Variants in BMPR1A observed in about 807,000 individuals in gnomAD.
The protein encoded by BMPR1A is bone morphogenetic protein receptor type-1A.
In BMPR1A, 7 loss-of-function variants were observed where a neutral mutation model predicts 66.0. The ratio of observed to expected loss-of-function variants is 0.11; its 90% CI spans 0.06 to 0.20. The LOEUF (loss-of-function observed/expected upper bound fraction) is 0.20. Among genes scored for constraint, BMPR1A ranks in the 10% least tolerant of loss-of-function variants. The pLI is 1.00. For synonymous variants in BMPR1A, 200 were observed against 229.7 expected, an observed-to-expected ratio of 0.87 and a Z score of 1.17; for missense variants, 408 against 669.1, an observed-to-expected ratio of 0.61 and a Z score of 4.31.
chr10:86,890,501 C>G (rs1843132846), intron 4 of BMPR1A, among the ~76,000 whole-genome samples: 1 of 151,798 alleles, frequency 6.6e-6, no homozygotes, highest in South Asian at 2.1e-4. Flanking sequence ...ATCTTTTAAT[C>G]TTAAATTTAT....
At chr10:86,874,258 T>G (rs905179952) in intron 2 of BMPR1A, among the ~76,000 whole-genome samples, 1 of 152,224 alleles carries the variant, frequency 6.6e-6, no homozygotes, top group African/African-American at 2.4e-5. Flanking sequence ...ACTGTCTATA[T>G]TAATAATCAC....
chr10:86,905,370 T>TA (rs1178592678), intron 7 of BMPR1A, among the ~76,000 whole-genome samples: 2 of 152,190 alleles, frequency 1.3e-5, no homozygotes, highest in African/African-American at 4.8e-5. Context: ...CCATAACACT[T>TA]ACTAATTTTA....
At chr10:86,914,130 AC>A (rs1370701693) in intron 8 of BMPR1A, among the ~76,000 whole-genome samples, 241 of 152,016 alleles carry the variant, frequency 1.6e-3, no homozygotes, top group African/African-American at 5.6e-3. Context: ...AAAAAAAAAA[AC>A]AAAAAGATGC....
intron 7 of BMPR1A, among the ~76,000 whole-genome samples, chr10:86,901,927 C>A (rs531945170): frequency 6.6e-6 from 1 of 151,828 alleles, no homozygotes; most frequent in Non-Finnish European, 1.5e-5. Flanking sequence ...GCAGTGATCT[C>A]GGCTCACTGC....
intron 3 of BMPR1A, among the ~76,000 whole-genome samples, chr10:86,881,388 A>AG (rs559664897): frequency 1.1e-3 from 163 of 152,354 alleles, no homozygotes; most frequent in African/African-American, 3.8e-3. Context: ...TTAGTAGGTG[A>AG]GGGAAAGCAT....
At chr10:86,835,397 C>G (rs1198051342) in intron 1 of BMPR1A, among the ~76,000 whole-genome samples, 1 of 150,326 alleles carries the variant, frequency 6.7e-6, no homozygotes, top group African/African-American at 2.4e-5. Context: ...AACCGCATCT[C>G]TACTAAAATA....
At chr10:86,776,185 T>C (rs1015943451) in intron 1 of BMPR1A, among the ~76,000 whole-genome samples, 1 of 152,254 alleles carries the variant, frequency 6.6e-6, no homozygotes, top group Non-Finnish European at 1.5e-5. Flanking sequence ...TTAGATATAG[T>C]AATACGTTTG....
At chr10:86,894,882 A>T (rs1459770025) in intron 5 of BMPR1A, among the ~76,000 whole-genome samples, 1 of 152,194 alleles carries the variant, frequency 6.6e-6, no homozygotes, top group Non-Finnish European at 1.5e-5. Flanking sequence ...GGGCACGTTG[A>T]TAGTTTTAAG....
At chr10:86,757,770 C>T (rs935106048) in intron 1 of BMPR1A, among the ~76,000 whole-genome samples, 1 of 152,148 alleles carries the variant, frequency 6.6e-6, no homozygotes, top group African/African-American at 2.4e-5. Context: ...TTGTATTCCT[C>T]ATTGTTTTAG....
intron 1 of BMPR1A, among the ~76,000 whole-genome samples, chr10:86,761,893 T>A (rs1349781095): frequency 6.6e-6 from 1 of 152,046 alleles, no homozygotes; most frequent in Non-Finnish European, 1.5e-5. Flanking sequence ...TCACATGGAG[T>A]TTGAGATATC....
At chr10:86,898,341 A>G (rs1564717305) in intron 5 of BMPR1A, among the ~76,000 whole-genome samples, 4 of 152,218 alleles carry the variant, frequency 2.6e-5, no homozygotes, top group Non-Finnish European at 5.9e-5. Flanking sequence ...GTAGTTTCCA[A>G]CACTCCATCT....
intron 1 of BMPR1A, among the ~76,000 whole-genome samples, chr10:86,778,053 G>T (rs1841380940): frequency 6.6e-6 from 1 of 151,834 alleles, no homozygotes; most frequent in African/African-American, 2.4e-5. Flanking sequence ...TATTTAGGGG[G>T]TACATAATGT....
chr10:86,815,977 C>T (rs1842031521), intron 1 of BMPR1A, among the ~76,000 whole-genome samples: 1 of 152,188 alleles, frequency 6.6e-6, no homozygotes, highest in African/African-American at 2.4e-5. Flanking sequence ...TCATTTGATG[C>T]AGGAACAAGG....
chr10:86,852,467 G>T (rs1419412495), intron 2 of BMPR1A, among the ~76,000 whole-genome samples: 1 of 152,178 alleles, frequency 6.6e-6, no homozygotes, highest in Non-Finnish European at 1.5e-5. Context: ...TCAGAAAGCT[G>T]AGATGGGAGG....
intron 1 of BMPR1A, among the ~76,000 whole-genome samples, chr10:86,837,230 GCTGTGTGTGTGTGTGT>G (rs1384674431): frequency 3.5e-5 from 3 of 86,862 alleles, no homozygotes; most frequent in Non-Finnish European, 7.3e-5. Flanking sequence ...TTAGAATCAG[GCTGTGTGTGTGTGTGT>G]CTGTGTGTGT....
upstream of BMPR1A, chr10:86,755,788 G>A (rs1371901474): frequency 6.6e-6 from 1 of 152,100 alleles, no homozygotes; most frequent in East Asian, 1.9e-4. Context: ...CTTATCTTAT[G>A]CCGCTGGAAT....
chr10:86,800,660 TGGGATTACAG>T (rs1055258227), intron 1 of BMPR1A, among the ~76,000 whole-genome samples: 1 of 152,240 alleles, frequency 6.6e-6, no homozygotes, highest in Non-Finnish European at 1.5e-5. Context: ...CCCAAAGTGC[TGGGATTACAG>T]GCATGAGCCA....
intron 1 of BMPR1A, among the ~76,000 whole-genome samples, chr10:86,760,692 T>C: frequency 6.7e-6 from 1 of 148,734 alleles, no homozygotes; most frequent in South Asian, 2.1e-4. Flanking sequence ...TATTGGATCT[T>C]AGGAGCAGCG....
At chr10:86,821,994 G>A (rs1842126386) in intron 1 of BMPR1A, among the ~76,000 whole-genome samples, 1 of 152,002 alleles carries the variant, frequency 6.6e-6, no homozygotes, top group Non-Finnish European at 1.5e-5. Context: ...TGTAGAGAGG[G>A]GTTTTACCAC....
Sources: allele counts gnomAD v4.1 joint callset (sites outside exome capture counted in the v4.1 genomes callset), GRCh38; gene constraint gnomAD v4.1.1; transcripts MANE v1.5; gene names NCBI Gene and HGNC (gene_info 2026-07-23, HGNC 2026-07-21).